ZMYM6: variants seen among roughly 807,000 people sequenced by gnomAD.
ZMYM6 encodes the protein zinc finger MYM-type protein 6.
In ZMYM6, 90 loss-of-function variants were observed where a neutral mutation model predicts 134.0. The observed-to-expected ratio is 0.67, with a 90% CI of 0.57 to 0.80. The LOEUF (loss-of-function observed/expected upper bound fraction) is 0.80, where lower values mean the gene tolerates loss of function less well. Ranked by LOEUF, ZMYM6 falls within the 30% of genes least tolerant of loss-of-function variation. The pLI is 0.00. For synonymous variants in ZMYM6, 481 were observed against 524.1 expected (o/e 0.92, Z 1.12); for missense variants, 1,362 against 1,533.9 (o/e 0.89, Z 1.87).
At chr1:34,993,134 C>T (rs1427233245) in intron 14 of ZMYM6, among the ~76,000 whole-genome samples, 3 of 142,882 alleles carry the variant, frequency 2.1e-5, no homozygotes, top group Admixed American at 7.0e-5. Context: ...TTTTTTGAGA[C>T]GGAGTCTCAC....
chr1:35,014,781 G>A lies in ZMYM6; in HGVS notation c.711C>T (p.Asn237=). Residue 237 remains asparagine (N), a synonymous_variant, in exon 6 of 16, where the codon AAC becomes AAT. Transcript: ENST00000357182. ...TNNLTMNCCE[N]CGSYCYSSSG... ...AGCTACTATAGCAATAGCTCCCACA[G>A]TTCTCACAACAGTTCATGGTGAGGT... is the stretch of plus-strand genomic sequence containing the variant. 1 of 1,614,174 alleles carries A rather than the reference G, an allele frequency of 6.2e-7. No homozygotes were observed. The highest frequency in any genetic ancestry group is 8.5e-7 in the Non-Finnish European group (1 of 1,180,034).
chr1:35,012,922 AG>A lies in ZMYM6; in HGVS notation c.796-342del, dbSNP rs1489765488. The A allele has an allele frequency of 8.1e-6, 8 of 985,194 alleles. No homozygotes were observed. The African/African-American group carries it at 1.0e-4, about 13-fold the overall frequency. 61.0% of individuals were successfully genotyped at this position (985,194 alleles called of 1,614,324 possible). On this transcript the variant is annotated intron_variant, in intron 6 of 15. Transcript: ENST00000357182. ...TGAACCAAAGGGTCATTCTTGGTAT[AG>A]TCTTGTACATCAATCTAGAAGAGTC... is the stretch of plus-strand genomic sequence containing the variant.
intron 14 of ZMYM6, among the ~76,000 whole-genome samples, chr1:34,993,842 C>A (rs569780569): frequency 1.3e-5 from 2 of 152,134 alleles, no homozygotes; most frequent in Non-Finnish European, 2.9e-5. Flanking sequence ...CGCCACCACG[C>A]CCGGCTAATT....
At chr1:34,995,552 C>T (rs1640770384) in intron 14 of ZMYM6, among the ~76,000 whole-genome samples, 1 of 151,966 alleles carries the variant, frequency 6.6e-6, no homozygotes, top group African/African-American at 2.4e-5. Context: ...CTCAAAATAT[C>T]TTAATGTGCT....
chr1:35,005,314 G>GTC (rs754061397), intron 12 of ZMYM6, 42 bp from the exon 13 acceptor site: 9 of 1,599,148 alleles, frequency 5.6e-6, no homozygotes, highest in Non-Finnish European at 7.7e-6. Context: ...AAGCAAAAGG[G>GTC]TCTCTCTCTC....
chr1:35,027,040 C>T (rs1284167514), intron 2 of ZMYM6, among the ~76,000 whole-genome samples: 1 of 152,146 alleles, frequency 6.6e-6, no homozygotes, highest in Admixed American at 6.5e-5. Context: ...GCTCATTCTA[C>T]TTGTGAGTGA....
intron 6 of ZMYM6, among the ~76,000 whole-genome samples, chr1:35,014,385 T>C (rs1053071261): frequency 1.3e-5 from 2 of 152,186 alleles, no homozygotes; most frequent in African/African-American, 4.8e-5. Context: ...AGTGGATGGC[T>C]TGAGCTCAGG....
chr1:35,016,152 T>C (rs1278938002), intron 4 of ZMYM6, among the ~76,000 whole-genome samples: 1 of 152,050 alleles, frequency 6.6e-6, no homozygotes, highest in Non-Finnish European at 1.5e-5. Context: ...GGTTTCGCCA[T>C]ATTGGCCACG....
At chr1:34,994,741 T>C (rs536471647) in intron 14 of ZMYM6, among the ~76,000 whole-genome samples, 2 of 151,900 alleles carry the variant, frequency 1.3e-5, no homozygotes, top group African/African-American at 4.8e-5. Flanking sequence ...GCAATTAAAG[T>C]AATATACACA....
chr1:35,030,314 C>G (rs577150065), intron 2 of ZMYM6: 2 of 469,910 alleles, frequency 4.3e-6, no homozygotes, highest in East Asian at 3.7e-5. Flanking sequence ...GCCCTGTGGT[C>G]CCAGCTACAC....
chr1:34,994,510 C>T (rs764590241), intron 14 of ZMYM6, among the ~76,000 whole-genome samples: 1 of 151,910 alleles, frequency 6.6e-6, no homozygotes, highest in Non-Finnish European at 1.5e-5. Flanking sequence ...AGACAGTAAG[C>T]AAGGGGAGAA....
Position 34,988,649 on chromosome 1 carries a change from C to A in ZMYM6, c.2433G>T (p.Met811Ile). Reference sequence around the variant, plus strand: ...TTTTTAAAGAACTATTTTGACATTCCATTTCTAAAGATTTTTGTTCAAAAA... The same window carrying A: ...TTTTTAAAGAACTATTTTGACATTCAATTTCTAAAGATTTTTGTTCAAAAA... ...VDFFEQKSLE[M>I]ECQNSSLKKC... is the part of the protein sequence containing the mutation. Residue 811 changes from methionine to isoleucine, a missense_variant, in exon 16 of 16, where the codon ATG becomes ATT. Transcript: ENST00000357182. 6.5e-7 allele frequency: 1 copy of A among 1,547,272 alleles called. No individual in the cohort carries two copies. The highest frequency in any genetic ancestry group is 8.7e-7 in the Non-Finnish European group (1 of 1,145,610).
At chr1:35,027,671 A>G (rs1205030823) in intron 2 of ZMYM6, among the ~76,000 whole-genome samples, 1 of 152,020 alleles carries the variant, frequency 6.6e-6, no homozygotes, top group East Asian at 1.9e-4. Context: ...TGCAGTGGCC[A>G]TACTCACACC....
chr1:34,993,134 C>CA (rs1640715407), intron 14 of ZMYM6, among the ~76,000 whole-genome samples: 1 of 142,882 alleles, frequency 7.0e-6, no homozygotes, highest in African/African-American at 2.7e-5. Flanking sequence ...TTTTTTGAGA[C>CA]GGAGTCTCAC....
intron 11 of ZMYM6, among the ~76,000 whole-genome samples, chr1:35,007,697 C>A (rs1393864932): frequency 1.3e-5 from 2 of 151,620 alleles, no homozygotes; most frequent in Non-Finnish European, 2.9e-5. Flanking sequence ...CCTGGTTACT[C>A]GGGAGGCTGA....
intron 14 of ZMYM6, among the ~76,000 whole-genome samples, chr1:35,003,639 A>T (rs1472834845): frequency 6.6e-6 from 1 of 152,262 alleles, no homozygotes; most frequent in Admixed American, 6.5e-5. Context: ...AAATAAATCA[A>T]GAATGCATTC....
chr1:35,008,632 A>T, intron 11 of ZMYM6, 120 bp downstream of exon 11: 1 of 962,572 alleles, frequency 1.0e-6, no homozygotes, highest in Non-Finnish European at 1.5e-6. Context: ...ATTATAGCCC[A>T]TAACTTATTT....
At chr1:35,017,288 C>A (rs1641218817) in intron 4 of ZMYM6, 1 of 152,154 alleles carries the variant, frequency 6.6e-6, no homozygotes, top group African/African-American at 2.4e-5. Flanking sequence ...TAAAACTCAA[C>A]TTTAAAAATA....
intron 14 of ZMYM6, among the ~76,000 whole-genome samples, chr1:35,001,209 T>C (rs1024846603): frequency 6.6e-6 from 1 of 152,018 alleles, no homozygotes; most frequent in Non-Finnish European, 1.5e-5. Context: ...TTAAGTAACT[T>C]GAGGGAGATT....
Sources: gnomAD v4.1 joint callset for allele counts (sites outside exome capture counted in the v4.1 genomes callset) on GRCh38, gnomAD v4.1.1 for gene constraint, MANE v1.5 for transcripts, NCBI Gene and HGNC (gene_info 2026-07-23, HGNC 2026-07-21) for gene names.